The following USP42 variants were observed in gnomAD, a reference collection of about 807,000 sequenced individuals.
USP42 encodes the protein ubiquitin specific peptidase 42, also known as ubiquitin carboxyl-terminal hydrolase 42.
Under a neutral mutation model 113.0 loss-of-function variants are expected in USP42, and 23 were observed. The observed-to-expected ratio is 0.20, with a 90% confidence interval of 0.15 to 0.29. The LOEUF is 0.29. Ranked by LOEUF, USP42 falls within the 10% of genes least tolerant of loss-of-function variation. The pLI, the probability that USP42 is intolerant of heterozygous loss-of-function variation, is 1.00. For synonymous variants in USP42, 933 were observed against 699.0 expected (o/e 1.33, Z -5.28); for missense variants, 2,174 against 1,779.8 (o/e 1.22, Z -3.99).
intron 2 of USP42, among the ~76,000 whole-genome samples, chr7:6,112,276 C>T (rs1779637098): frequency 6.6e-6 from 1 of 151,922 alleles, no homozygotes; most frequent in African/African-American, 2.4e-5. Flanking sequence ...TGGTGAAACC[C>T]CATCTCCACT....
rs763981566 is a variant in USP42, at chr7:6,115,417, G to A, written c.336G>A (p.Gly112=). 2.5e-6 allele frequency: 4 copies of A among 1,613,942 alleles called. No homozygotes were observed. Among genetic ancestry groups the A allele is most frequent in the South Asian group, 1.1e-5 (1 of 91,086 alleles). The change falls in exon 3 of 18, where the codon GGG becomes GGA. Residue 112 remains glycine, a synonymous_variant. Coordinates refer to ENST00000306177, the MANE Select transcript of USP42 (RefSeq NM_032172.3). Reference sequence around the variant, plus strand: ...AACAAACTCATAGAGTTGGAGCTGGGCTCCAGAATTTGGGCAATACCTGTT... The same window carrying A: ...AACAAACTCATAGAGTTGGAGCTGGACTCCAGAATTTGGGCAATACCTGTT... ...KWQQTHRVGA[G]LQNLGNTCFA...
Position 6,107,718 on chromosome 7 carries a change from T to C in USP42, c.-10+2686T>C, listed in dbSNP as rs145834463. 2.4e-3 allele frequency among the ~76,000 whole-genome samples: 365 copies of C among 152,222 alleles called. 1 individual carries two copies. Among genetic ancestry groups the C allele is most frequent in the African/African-American group, 8.0e-3 (333 of 41,540 alleles). ...GCACCTGCGCCCGGCCTCTTCTTTC[T>C]TTTTTTCCTGCATTTTTTTCTTCTG... On this transcript the variant is annotated intron_variant, in intron 1 of 17. Transcript: ENST00000306177.
At position 6,154,703 on chromosome 7, in the gene USP42, A is replaced by G. The variant is rs181389459; in HGVS notation, c.3149A>G (p.Tyr1050Cys). ...GERGWGREKF[Y>C]PDRPRWDRCR... Reference sequence around the variant, plus strand: ...CGTGGCTGGGGCCGGGAGAAGTTCTACCCCGACAGGCCGCGCTGGGACAGG... The same window carrying G: ...CGTGGCTGGGGCCGGGAGAAGTTCTGCCCCGACAGGCCGCGCTGGGACAGG... Residue 1050 changes from tyrosine to cysteine, a missense_variant, in exon 15 of 18, where the codon TAC becomes TGC. Coordinates refer to ENST00000306177, the MANE Select transcript of USP42 (RefSeq NM_032172.3). 5.0e-6 allele frequency: 8 copies of G among 1,600,274 alleles called. No homozygotes were observed. Among genetic ancestry groups the G allele is most frequent in the Non-Finnish European group, 6.0e-6 (7 of 1,174,592 alleles).
At position 6,154,582 on chromosome 7, in the gene USP42, G is replaced by C; in HGVS notation, c.3028G>C (p.Glu1010Gln). Residue 1010 changes from glutamate (E) to glutamine (Q), a missense_variant, in exon 15 of 18, where the codon GAG becomes CAG. Glu to Gln is a conservative substitution (Grantham distance 29, BLOSUM62 2). Coordinates refer to ENST00000306177, the MANE Select transcript of USP42 (RefSeq NM_032172.3). ...CCACGGCGACAGGCTCAGCCCTGGC[G>C]AGCGCCGCTCTCTGGGCAGGTGCAG... ...PGHGDRLSPG[E>Q]RRSLGRCSHH... 6.4e-7 allele frequency: 1 copy of C among 1,565,398 alleles called. No homozygotes were observed. Among genetic ancestry groups the C allele is most frequent in the Non-Finnish European group, 8.6e-7 (1 of 1,157,772 alleles).
At chr7:6,108,341 C>T (rs1779407700) in intron 1 of USP42, among the ~76,000 whole-genome samples, 1 of 152,084 alleles carries the variant, frequency 6.6e-6, no homozygotes, top group Admixed American at 6.6e-5. Flanking sequence ...AGTTCAAGAC[C>T]AGCCTGGGCA....
intron 14 of USP42, among the ~76,000 whole-genome samples, chr7:6,151,809 C>G (rs959108498): frequency 6.6e-6 from 1 of 152,168 alleles, no homozygotes; most frequent in Non-Finnish European, 1.5e-5. Context: ...TTCCATGGGA[C>G]TGGCAGTGCA....
At chr7:6,089,245 G>A in the USP42 span, among the ~76,000 whole-genome samples, 1 of 147,480 alleles carries the variant, frequency 6.8e-6, no homozygotes, top group African/African-American at 2.6e-5. Flanking sequence ...GTAGAGACAG[G>A]GTTTCACCAT....
chr7:6,148,264 G>A (rs1781833298), intron 12 of USP42, among the ~76,000 whole-genome samples: 1 of 152,124 alleles, frequency 6.6e-6, no homozygotes, highest in Non-Finnish European at 1.5e-5. Context: ...TTGAGCCCAG[G>A]AGGCAGAGGT....
At chr7:6,109,986 C>T (rs1779508189) in intron 1 of USP42, among the ~76,000 whole-genome samples, 1 of 151,884 alleles carries the variant, frequency 6.6e-6, no homozygotes, top group South Asian at 2.1e-4. Flanking sequence ...CAGGTGTGCA[C>T]CACCATGCCT....
chr7:6,091,984 CTTCTT>C, the USP42 span, among the ~76,000 whole-genome samples: 2 of 33,150 alleles, frequency 6.0e-5, no homozygotes, highest in African/African-American at 1.9e-4. Context: ...ATTTTTTCTT[CTTCTT>C]CTTCTTCTTC....
rs191086305 is a variant in USP42 at position 6,144,735 on chromosome 7, T to C, written c.990+539T>C. ...AAATACTAAAATTAGCTGGGTGTGG[T>C]GGCAGGCACTTGTAATCCTAGCTAC... On this transcript the variant is annotated intron_variant, in intron 9 of 17. Coordinates refer to ENST00000306177, the MANE Select transcript of USP42 (RefSeq NM_032172.3). Among the ~76,000 whole-genome samples the C allele has an allele frequency of 2.8e-3, 428 of 152,126 alleles. 4 individuals are homozygous for C. The Middle Eastern group carries it at 0.034, about 12-fold the overall frequency.
rs1228309822 is a variant in USP42, at chr7:6,156,979, A to T, written c.3867A>T (p.Gly1289=). Residue 1289 remains glycine, a synonymous_variant, in exon 16 of 18, where the codon GGA becomes GGT. Transcript: ENST00000306177. The part of the protein sequence containing the change: ...LSGGPPLEGV[G]PFREKTKHLR... ...GTGGCCCGCCTCTGGAAGGCGTCGG[A>T]CCTTTCCGTGAGAAAACGAAACACT... The T allele has an allele frequency of 1.2e-6, 2 of 1,613,622 alleles. No individual in the cohort carries two copies. Among genetic ancestry groups the T allele is most frequent in the Non-Finnish European group, 1.7e-6 (2 of 1,179,802 alleles).
intron 3 of USP42, among the ~76,000 whole-genome samples, chr7:6,130,900 C>T (rs763951872): frequency 4.6e-5 from 7 of 151,964 alleles, no homozygotes; most frequent in Admixed American, 2.6e-4. Flanking sequence ...TTGAGGTTTC[C>T]GTGGGAAAAG....
intron 6 of USP42, 62 bp from the exon 7 acceptor site, chr7:6,140,852 G>A (rs1166537260): frequency 4.5e-6 from 4 of 885,214 alleles, no homozygotes; most frequent in Non-Finnish European, 7.2e-6. Flanking sequence ...TGTCATTTCA[G>A]TAGTTGATGT....
At chr7:6,160,392 G>A (rs550944641) in intron 17 of USP42, among the ~76,000 whole-genome samples, 163 bp from the exon 18 acceptor site, 4 of 151,246 alleles carry the variant, frequency 2.6e-5, no homozygotes, top group East Asian at 1.9e-4. Flanking sequence ...TGCCCGCACC[G>A]CCAGTTCCCT....
intron 3 of USP42, among the ~76,000 whole-genome samples, chr7:6,119,021 C>T (rs1426964970): frequency 1.3e-5 from 2 of 151,646 alleles, no homozygotes; most frequent in East Asian, 3.9e-4. Context: ...TTGAGACCAG[C>T]CTGGGCAACA....
At chr7:6,113,518 C>T (rs982893262) in intron 2 of USP42, among the ~76,000 whole-genome samples, 4 of 152,186 alleles carry the variant, frequency 2.6e-5, no homozygotes, top group African/African-American at 9.7e-5. Flanking sequence ...CCTTTCCCCA[C>T]CAAGCTGTAG....
chr7:6,145,425 C>T, intron 9 of USP42, 91 bp from the exon 10 acceptor site: 2 of 1,496,126 alleles, frequency 1.3e-6, no homozygotes, highest in South Asian at 2.4e-5. Flanking sequence ...TGTGGGTCTC[C>T]CCTCCTAGGA....
At chr7:6,144,235 C>G (rs1781581827) in intron 9 of USP42, 39 bp downstream of exon 9, 2 of 1,377,068 alleles carry the variant, frequency 1.5e-6, no homozygotes, top group East Asian at 2.5e-5. Flanking sequence ...TTATGTCGAG[C>G]CTTTCGAAGC....
Sources: gnomAD v4.1 joint callset for allele counts (sites outside exome capture counted in the v4.1 genomes callset) on GRCh38, gnomAD v4.1.1 for gene constraint, MANE v1.5 for transcripts, NCBI Gene and HGNC (gene_info 2026-07-23, HGNC 2026-07-21) for gene names.